The following GABRA3 variants were observed in gnomAD, a reference collection of about 807,000 sequenced individuals.
The protein encoded by GABRA3 is gamma-aminobutyric acid type A receptor subunit alpha3, also known as gamma-aminobutyric acid receptor subunit alpha-3.
GABRA3 carries 10 observed loss-of-function variants against 30.1 expected under a neutral mutation model. The ratio of observed to expected loss-of-function variants is 0.33; its 90% CI spans 0.20 to 0.56. The LOEUF is 0.56. Ranked by LOEUF, GABRA3 falls within the 20% of genes least tolerant of loss-of-function variation. GABRA3 has a pLI of 0.89. For synonymous variants in GABRA3, 151 were observed against 146.8 expected, an observed-to-expected ratio of 1.03 and a Z score of -0.21; for missense variants, 233 against 392.0, an observed-to-expected ratio of 0.59 and a Z score of 3.42.
intron 1 of GABRA3, among the ~76,000 whole-genome samples, chrX:152,376,897 C>G (rs1016100165): frequency 6.3e-5 from 7 of 111,341 alleles, no homozygotes; most frequent in African/African-American, 6.5e-5. Flanking sequence ...AATATATCAC[C>G]TCTGAAATTC....
chrX:152,356,051 A>T (rs930790762), intron 2 of GABRA3, among the ~76,000 whole-genome samples: 2 of 111,508 alleles, frequency 1.8e-5, no homozygotes. Flanking sequence ...GATGCTCTCT[A>T]CAGGTTTTTC....
intron 5 of GABRA3, among the ~76,000 whole-genome samples, chrX:152,249,262 C>T (rs1467992471): frequency 9.0e-6 from 1 of 111,202 alleles, no homozygotes; most frequent in Non-Finnish European, 1.9e-5. Context: ...CTCCACACTT[C>T]CAATTAGGCA....
At chrX:152,331,382 A>G (rs762833861) in intron 3 of GABRA3, among the ~76,000 whole-genome samples, 1 of 110,917 alleles carries the variant, frequency 9.0e-6, no homozygotes, top group Non-Finnish European at 1.9e-5. Context: ...CTGGTTGGGA[A>G]AAAATTTGGA....
At chrX:152,181,864 A>G (rs760981287) in intron 9 of GABRA3, among the ~76,000 whole-genome samples, 6 of 111,099 alleles carry the variant, frequency 5.4e-5, no homozygotes, top group Middle Eastern at 4.7e-3. Flanking sequence ...ATATGCAGGG[A>G]AAATTTAACT....
intron 4 of GABRA3, among the ~76,000 whole-genome samples, chrX:152,280,307 G>A (rs1939176595): frequency 9.0e-6 from 1 of 111,485 alleles, no homozygotes; most frequent in Admixed American, 9.6e-5. Flanking sequence ...CATCTGCAAT[G>A]CCATATCCTG....
chrX:152,275,552 C>T (rs78049993), intron 4 of GABRA3, among the ~76,000 whole-genome samples: 7,680 of 69,706 alleles, frequency 0.11, 803 homozygotes, highest in African/African-American at 0.31. Context: ...ATCAGGAGTT[C>T]GAGATGAGCC....
chrX:152,224,318 TCCTG>T (rs2124380935), intron 6 of GABRA3, among the ~76,000 whole-genome samples: 1 of 112,175 alleles, frequency 8.9e-6, no homozygotes, highest in Non-Finnish European at 1.9e-5. Flanking sequence ...CAGAGTCTCT[TCCTG>T]CCTATCACAC....
intron 6 of GABRA3, among the ~76,000 whole-genome samples, chrX:152,214,699 G>C (rs1324940342): frequency 9.0e-6 from 1 of 111,060 alleles, no homozygotes; most frequent in African/African-American, 3.3e-5. Context: ...AGTTCTTCCA[G>C]TCCATGAACA....
At chrX:152,367,856 T>C (rs984552878) in intron 1 of GABRA3, among the ~76,000 whole-genome samples, 2 of 112,180 alleles carry the variant, frequency 1.8e-5, no homozygotes, top group African/African-American at 6.5e-5. Flanking sequence ...AATGTCATTC[T>C]TGACTCCCCT....
intron 3 of GABRA3, among the ~76,000 whole-genome samples, chrX:152,300,371 A>C (rs892126037): frequency 8.9e-6 from 1 of 111,951 alleles, no homozygotes; most frequent in African/African-American, 3.3e-5. Context: ...CAGAACTCAC[A>C]AACTAAACTT....
At chrX:152,331,709 C>T (rs764301781) in intron 3 of GABRA3, among the ~76,000 whole-genome samples, 15 of 111,254 alleles carry the variant, frequency 1.3e-4, no homozygotes, top group African/African-American at 2.6e-4. Context: ...ATTTACAGGT[C>T]AACAAGTAAA....
intron 2 of GABRA3, among the ~76,000 whole-genome samples, chrX:152,355,481 C>T (rs1012295786): frequency 1.8e-5 from 2 of 111,211 alleles, no homozygotes; most frequent in Admixed American, 9.6e-5. Flanking sequence ...CTGGCTGTTT[C>T]CTCCACCAAA....
chrX:152,266,759 A>G (rs1238834751), intron 4 of GABRA3, among the ~76,000 whole-genome samples: 3 of 111,125 alleles, frequency 2.7e-5, no homozygotes, highest in African/African-American at 9.8e-5. Context: ...CACTGAAAAA[A>G]AAATATTTTT....
At chrX:152,316,686 A>G (rs1258587632) in intron 3 of GABRA3, among the ~76,000 whole-genome samples, 2 of 112,219 alleles carry the variant, frequency 1.8e-5, no homozygotes, top group Non-Finnish European at 3.8e-5. Context: ...CAAGCTAGAA[A>G]GGATTGGGGC....
intron 1 of GABRA3, among the ~76,000 whole-genome samples, chrX:152,393,887 C>T (rs891230611): frequency 2.7e-5 from 3 of 111,696 alleles, no homozygotes; most frequent in Non-Finnish European, 3.8e-5. Flanking sequence ...ATTCAAATGA[C>T]TGCCATGGCA....
chrX:152,169,481 A>G (rs1252132182), intron 9 of GABRA3, among the ~76,000 whole-genome samples: 1 of 112,110 alleles, frequency 8.9e-6, no homozygotes. Flanking sequence ...GCTCTCATAT[A>G]TATGAACTTG....
chrX:152,298,840 A>G (rs943345718), intron 3 of GABRA3, among the ~76,000 whole-genome samples: 2 of 112,147 alleles, frequency 1.8e-5, no homozygotes, highest in African/African-American at 3.2e-5. Flanking sequence ...CAGTCCCACC[A>G]ACAGTATAAA....
chrX:152,167,295 T>C lies in GABRA3; in HGVS notation c.*933A>G, dbSNP rs200544339. 3.6e-5 allele frequency: 4 copies of C among 112,226 alleles called. No homozygotes were observed. The highest frequency in any genetic ancestry group is 7.5e-5 in the Non-Finnish European group (4 of 53,302). The allele number at this position is 112,226 out of a possible 1,213,427, so 9.2% of individuals were successfully genotyped here. On this transcript the variant is annotated 3_prime_UTR_variant, in exon 10 of 10. Coordinates refer to ENST00000370314, the MANE Select transcript of GABRA3 (RefSeq NM_000808.4). ...ACTCCAAACCTCTTACCCAATCCAG[T>C]ATAGGCTAGTTGCCTTGGCAGGGAG...
chrX:152,355,640 T>C (rs1428685898), intron 2 of GABRA3, among the ~76,000 whole-genome samples: 1 of 112,160 alleles, frequency 8.9e-6, no homozygotes, highest in Non-Finnish European at 1.9e-5. Context: ...AATTGAAATG[T>C]CCCATCTGTA....
Sources: allele counts gnomAD v4.1 joint callset (sites outside exome capture counted in the v4.1 genomes callset), GRCh38; gene constraint gnomAD v4.1.1; transcripts MANE v1.5; gene names NCBI Gene and HGNC (gene_info 2026-07-23, HGNC 2026-07-21).